The following TDRD10 variants were observed in gnomAD, a reference collection of about 807,000 sequenced individuals.
TDRD10 encodes tudor domain-containing protein 10.
In TDRD10, 40 loss-of-function variants were observed where a neutral mutation model predicts 48.0. The observed-to-expected ratio is 0.83, with a 90% confidence interval of 0.65 to 1.09. The LOEUF is 1.09. TDRD10 is among the 50% of genes least tolerant of loss of function. The pLI is 0.00. For synonymous variants in TDRD10, 162 were observed against 170.4 expected, an observed-to-expected ratio of 0.95 and a Z score of 0.38; for missense variants, 378 against 434.7, an observed-to-expected ratio of 0.87 and a Z score of 1.16.
At chr1:154,547,106 G>A (rs1210378214) in intron 11 of TDRD10, among the ~76,000 whole-genome samples, 4 of 152,156 alleles carry the variant, frequency 2.6e-5, no homozygotes, top group Admixed American at 2.6e-4. Context: ...TTCAGTGAAC[G>A]TGATTTTCTG....
chr1:154,508,367 C>T, intron 3 of TDRD10, 56 bp from the exon 4 acceptor site: 2 of 1,220,310 alleles, frequency 1.6e-6, no homozygotes, highest in South Asian at 2.4e-5. Context: ...ATTCTGACTC[C>T]TCTGAATCCT....
Position 154,520,393 on chromosome 1 carries a change from TTG to T in TDRD10, c.212+21_212+22del. ...GCAAATGGTAATGACTGTTCTTTCT[TTG>T]TTTTCTTTGGGAAGCAGCTCCTTTC... On this transcript the variant is annotated intron_variant, in intron 5 of 12. Coordinates refer to ENST00000368482, the MANE Select transcript of TDRD10 (RefSeq NM_182499.4). The T allele has an allele frequency of 6.2e-7, 1 of 1,604,812 alleles. No homozygotes were observed. Among genetic ancestry groups the T allele is most frequent in the Non-Finnish European group, 8.5e-7 (1 of 1,171,602 alleles).
intron 6 of TDRD10, among the ~76,000 whole-genome samples, chr1:154,526,066 G>A (rs969275198): frequency 2.6e-5 from 4 of 151,016 alleles, no homozygotes; most frequent in South Asian, 2.1e-4. Context: ...TTAGCCAGGC[G>A]TGGTGGCGTG....
At chr1:154,507,034 C>G (rs1693186131) in intron 2 of TDRD10, 129 bp downstream of exon 2, 1 of 1,581,576 alleles carries the variant, frequency 6.3e-7, no homozygotes, top group African/African-American at 1.4e-5. Flanking sequence ...TTGATCCTAA[C>G]TCTAAGTATA....
At chr1:154,517,080 G>A (rs995707249) in intron 4 of TDRD10, among the ~76,000 whole-genome samples, 3 of 152,186 alleles carry the variant, frequency 2.0e-5, no homozygotes, top group African/African-American at 7.2e-5. Flanking sequence ...GGGGAGTGTA[G>A]TTGGAGAACC....
At position 154,544,901 on chromosome 1, in the gene TDRD10, G is replaced by A. The variant is rs774000552; in HGVS notation, c.904G>A (p.Asp302Asn). Residue 302 changes from aspartate (D) to asparagine (N), a missense_variant, in exon 11 of 13, where the codon GAC becomes AAC. Around this residue, in one of 2 missense-constraint regions of TDRD10, gnomAD observed 68 missense variants for 111.1 expected, o/e 0.61. Transcript: ENST00000368482. ...VQSLRSLDSD[D>N]FWTIPPLTQP... ...GTCTCTGCGCAGCCTAGACAGCGACGACTTCTGGACCATCCCACCCCTGAC... is the reference window on the plus strand; with the variant it reads ...GTCTCTGCGCAGCCTAGACAGCGACAACTTCTGGACCATCCCACCCCTGAC... 4.3e-6 allele frequency: 7 copies of A among 1,614,178 alleles called. No individual in the cohort carries two copies. The highest frequency in any genetic ancestry group is 3.3e-5 in the Admixed American group (2 of 60,016).
chr1:154,521,537 C>T lies in TDRD10; in HGVS notation c.369+58C>T, dbSNP rs1159594272. ...TCCATTTTCACCCTTTAGAGCGTGG[C>T]TGACTTTGCTTTCAGTGCTTTCATC... On this transcript the variant is annotated intron_variant, in intron 6 of 12. Coordinates refer to ENST00000368482, the MANE Select transcript of TDRD10 (RefSeq NM_182499.4). 1.9e-6 allele frequency: 3 copies of T among 1,571,794 alleles called. No individual in the cohort carries two copies. In the African/African-American group the frequency reaches 4.1e-5, roughly 21 times the overall value.
At chr1:154,536,871 G>A (rs2149344904) in intron 6 of TDRD10, among the ~76,000 whole-genome samples, 1 of 152,240 alleles carries the variant, frequency 6.6e-6, no homozygotes, top group Admixed American at 6.5e-5. Context: ...ATATTCTGTT[G>A]TATCATGTGC....
intron 4 of TDRD10, among the ~76,000 whole-genome samples, chr1:154,518,925 TA>T (rs1450070315): frequency 6.6e-6 from 1 of 152,214 alleles, no homozygotes; most frequent in Non-Finnish European, 1.5e-5. Flanking sequence ...TTAGTAATGG[TA>T]AAACCTGAGA....
At chr1:154,533,852 C>T (rs1040450934) in intron 6 of TDRD10, among the ~76,000 whole-genome samples, 1 of 150,556 alleles carries the variant, frequency 6.6e-6, no homozygotes, top group Non-Finnish European at 1.5e-5. Flanking sequence ...GCTGGGATTG[C>T]AGGGCAGCCA....
At chr1:154,530,866 ATT>A (rs112779412) in intron 6 of TDRD10, among the ~76,000 whole-genome samples, 158 of 137,600 alleles carry the variant, frequency 1.1e-3, no homozygotes, top group African/African-American at 3.4e-3. Flanking sequence ...TTCAGTTTAA[ATT>A]TTTTTTTTTT....
At chr1:154,526,825 A>T (rs951656971) in intron 6 of TDRD10, among the ~76,000 whole-genome samples, 1 of 150,774 alleles carries the variant, frequency 6.6e-6, no homozygotes, top group Non-Finnish European at 1.5e-5. Flanking sequence ...CCTGACCTCA[A>T]GTAATTACCC....
rs1292048810 is a variant in TDRD10 at position 154,534,483 on chromosome 1, T to C, written c.370-7541T>C. The C allele has an allele frequency of 3.3e-5, 5 of 152,376 alleles. No individual in the cohort carries two copies. The East Asian group carries it at 7.7e-4, about 23-fold the overall frequency. The allele number at this position is 152,376 out of a possible 1,614,324, so 9.4% of individuals were successfully genotyped here. On this transcript the variant is annotated intron_variant, in intron 6 of 12. Transcript: ENST00000368482. ...CACCTGGTGGTTTTCCATAGCCTGC[T>C]CCGATCAAGTCAGCCACCTTTGATG... is the stretch of plus-strand genomic sequence containing the variant.
In TDRD10 at chr1:154,502,865, C is replaced by A. The variant is rs1016753575; in HGVS notation, c.-192C>A. On this transcript the variant is annotated 5_prime_UTR_variant, in exon 1 of 13. Transcript: ENST00000368482. ...AGTTCCGTTACTCTTCGGTGGCACA[C>A]GGTCCTGGGCAGCGCGAGGCTCTTC... The A allele has an allele frequency of 6.6e-6, 1 of 152,202 alleles. No homozygotes were observed. The allele number at this position is 152,202 out of a possible 1,614,324, so 9.4% of individuals were successfully genotyped here. A position where few individuals can be genotyped will look rare whatever the true frequency, so the allele number is the denominator to read the frequency against.
chr1:154,504,001 A>G (rs530881765), intron 1 of TDRD10, among the ~76,000 whole-genome samples: 2 of 152,294 alleles, frequency 1.3e-5, no homozygotes, highest in South Asian at 2.1e-4. Context: ...ATCACCCCCA[A>G]AAGAAATCTC....
chr1:154,530,339 T>C (rs1166473746), intron 6 of TDRD10, among the ~76,000 whole-genome samples: 1 of 152,102 alleles, frequency 6.6e-6, no homozygotes, highest in Non-Finnish European at 1.5e-5. Flanking sequence ...TAAACAGTTT[T>C]TTTTTTCAAC....
chr1:154,521,254 T>C (rs1271734357), intron 5 of TDRD10, 69 bp from the exon 6 acceptor site: 1 of 1,536,574 alleles, frequency 6.5e-7, no homozygotes, highest in African/African-American at 1.4e-5. Flanking sequence ...TTGGGCTTGG[T>C]GCCTCCCTGC....
At chr1:154,533,358 T>G (rs1388049169) in intron 6 of TDRD10, among the ~76,000 whole-genome samples, 13 of 150,894 alleles carry the variant, frequency 8.6e-5, no homozygotes, top group African/African-American at 2.2e-4. Context: ...GTTGGGTTTT[T>G]TTTTTTTTTT....
chr1:154,544,126 T>C lies in TDRD10; in HGVS notation c.651+16T>C, dbSNP rs1340165648. The C allele has an allele frequency of 1.2e-6, 2 of 1,614,012 alleles. No homozygotes were observed. The highest frequency in any genetic ancestry group is 2.7e-5 in the African/African-American group (2 of 74,918). On this transcript the variant is annotated intron_variant, in intron 9 of 12. Coordinates refer to ENST00000368482, the MANE Select transcript of TDRD10 (RefSeq NM_182499.4). Reference sequence around the variant, plus strand: ...CGTCACTGAGGTATGGACTGGTTGTTGGCCCCCTCAGGCTCCTGTGCCTTC... The same window carrying C: ...CGTCACTGAGGTATGGACTGGTTGTCGGCCCCCTCAGGCTCCTGTGCCTTC...
Sources: allele counts gnomAD v4.1 joint callset (sites outside exome capture counted in the v4.1 genomes callset), GRCh38; gene constraint gnomAD v4.1.1; regional missense constraint gnomAD v4.1.1; transcripts MANE v1.5; gene names NCBI Gene and HGNC (gene_info 2026-07-23, HGNC 2026-07-21).